Variants in LITAF observed in about 807,000 individuals in gnomAD.
The protein encoded by LITAF is lipopolysaccharide-induced tumor necrosis factor-alpha factor.
Under a neutral mutation model 14.5 loss-of-function variants are expected in LITAF, and 9 were observed. The ratio of observed to expected loss-of-function variants is 0.62; its 90% CI spans 0.37 to 1.08. The LOEUF is 1.08. Ranked by LOEUF, LITAF falls within the 50% of genes least tolerant of loss-of-function variation. LITAF has a pLI of 0.01. For synonymous variants in LITAF, 98 were observed against 88.2 expected (o/e 1.11, Z -0.62); for missense variants, 206 against 213.4 (o/e 0.97, Z 0.22).
In LITAF at chr16:11,578,979, G is replaced by A. The variant is rs546047084; in HGVS notation, c.-6+7907C>T. 8.5e-5 allele frequency among the ~76,000 whole-genome samples: 13 copies of A among 152,096 alleles called. No homozygotes were observed. In the East Asian group the frequency reaches 1.6e-3, roughly 18 times the overall value. On this transcript the variant is annotated intron_variant, in intron 1 of 3. Coordinates refer to ENST00000622633, the MANE Select transcript of LITAF (RefSeq NM_001136472.2). ...CGAGGCGGGTGGGTCACCTGAGGTC[G>A]GGAGTTCGAGACCAGCCTGGCCAAC...
At chr16:11,627,786 G>C (rs1373313114) in intron 3 of LITAF, among the ~76,000 whole-genome samples, 1 of 152,182 alleles carries the variant, frequency 6.6e-6, no homozygotes, top group East Asian at 1.9e-4. Flanking sequence ...AGAGGTTGCA[G>C]TGAGCCGAGA....
chr16:11,553,471 C>T lies in LITAF; in HGVS notation c.377+62G>A, dbSNP rs533591033. On this transcript the variant is annotated intron_variant, in intron 3 of 3. Coordinates refer to ENST00000622633, the MANE Select transcript of LITAF (RefSeq NM_001136472.2). The surrounding 1 kb of genome is among the most constrained non-coding windows in gnomAD (Gnocchi z 7.7). ...CAAGCATGGTGCAGTTGAGAACCCACCCCCGCCAGCACCCAGAGAGAAGGG... is the reference window on the plus strand; with the variant it reads ...CAAGCATGGTGCAGTTGAGAACCCATCCCCGCCAGCACCCAGAGAGAAGGG... 15 of 1,578,528 alleles carry T rather than the reference C, an allele frequency of 9.5e-6. No homozygotes were observed. In the African/African-American group the frequency reaches 1.7e-4, roughly 18 times the overall value.
intron 3 of LITAF, among the ~76,000 whole-genome samples, chr16:11,628,247 G>A (rs898787388): frequency 8.5e-5 from 13 of 152,124 alleles, no homozygotes; most frequent in Admixed American, 7.2e-4. Context: ...TGAGGTTGGT[G>A]TGGCCCCAGA....
At position 11,553,079 on chromosome 16, in the gene LITAF, C is replaced by T. The variant is rs2064205998; in HGVS notation, c.377+454G>A. Among the ~76,000 whole-genome samples, 2 of 151,974 alleles carry T rather than the reference C, an allele frequency of 1.3e-5. No homozygotes were observed. The highest frequency in any genetic ancestry group is 1.3e-4 in the Admixed American group (2 of 15,246). ...GCAGTGAGCCGGGATCGTGCTACTG[C>T]ACTCCAGCCTGGGCAACAGAGTGAG... is the stretch of plus-strand genomic sequence containing the variant. On this transcript the variant is annotated intron_variant, in intron 3 of 3. Coordinates refer to ENST00000622633, the MANE Select transcript of LITAF (RefSeq NM_001136472.2). The surrounding 1 kb of genome is among the most constrained non-coding windows in gnomAD (Gnocchi z 7.7).
chr16:11,557,372 G>A (rs1237092183), intron 1 of LITAF, among the ~76,000 whole-genome samples: 1 of 152,196 alleles, frequency 6.6e-6, no homozygotes, highest in African/African-American at 2.4e-5. Flanking sequence ...GCTGGTTACA[G>A]AGGTATGTTC....
At chr16:11,580,504 C>G (rs1265332256) in intron 1 of LITAF, among the ~76,000 whole-genome samples, 1 of 152,168 alleles carries the variant, frequency 6.6e-6, no homozygotes, top group African/African-American at 2.4e-5. Context: ...GATCCACCCA[C>G]CTTGGCCTCC....
chr16:11,565,446 C>CG (rs1200500800), intron 1 of LITAF, among the ~76,000 whole-genome samples: 4 of 2,176 alleles, frequency 1.8e-3, no homozygotes, highest in Non-Finnish European at 4.6e-3. Flanking sequence ...AAGCGGGGGG[C>CG]GGGGGGGTGG....
chr16:11,613,715 G>A (rs4781128), intron 3 of LITAF, among the ~76,000 whole-genome samples: 54,999 of 152,118 alleles, frequency 0.36, 12,146 homozygotes, highest in Middle Eastern at 0.5. Flanking sequence ...ACAGCCGGAC[G>A]GAGGGTGTGG....
At chr16:11,629,945 C>T (rs929044181) in intron 3 of LITAF, among the ~76,000 whole-genome samples, 5 of 152,256 alleles carry the variant, frequency 3.3e-5, no homozygotes, top group Admixed American at 2.6e-4. Context: ...CTGGCTGCTA[C>T]GGTGGGAGAT....
chr16:11,635,560 C>T (rs572972991), intron 2 of LITAF, among the ~76,000 whole-genome samples: 53 of 152,314 alleles, frequency 3.5e-4, no homozygotes, highest in African/African-American at 1.3e-3. Flanking sequence ...AGTTTCTGTC[C>T]GCCTGACTGC....
At chr16:11,631,210 A>T (rs2065116376) in intron 3 of LITAF, among the ~76,000 whole-genome samples, 1 of 152,194 alleles carries the variant, frequency 6.6e-6, no homozygotes, top group African/African-American at 2.4e-5. Context: ...CAATTATCAC[A>T]TCACCACAAA....
intron 3 of LITAF, among the ~76,000 whole-genome samples, chr16:11,631,255 C>T (rs1237010433): frequency 6.6e-6 from 1 of 152,188 alleles, no homozygotes; most frequent in Non-Finnish European, 1.5e-5. Context: ...ATTCTCTGTT[C>T]TAGAGTCTAA....
At chr16:11,621,430 C>G (rs1046452836) in intron 3 of LITAF, among the ~76,000 whole-genome samples, 1 of 152,204 alleles carries the variant, frequency 6.6e-6, no homozygotes, top group Non-Finnish European at 1.5e-5. Context: ...GTCTTTAACT[C>G]CTGGGTTCTA....
chr16:11,616,066 A>AC (rs2065017857), intron 3 of LITAF, among the ~76,000 whole-genome samples: 1 of 152,146 alleles, frequency 6.6e-6, no homozygotes, highest in Non-Finnish European at 1.5e-5. Flanking sequence ...AAATACATCC[A>AC]CTACCTGGGA....
intron 3 of LITAF, among the ~76,000 whole-genome samples, chr16:11,626,354 A>AT (rs888440922): frequency 3.7e-4 from 55 of 147,720 alleles, no homozygotes; most frequent in Non-Finnish European, 5.7e-4. Flanking sequence ...AATTTTTGTA[A>AT]TTTTTTTTTA....
chr16:11,572,176 C>T (rs1376841696), intron 1 of LITAF, among the ~76,000 whole-genome samples: 1 of 152,112 alleles, frequency 6.6e-6, no homozygotes, highest in Non-Finnish European at 1.5e-5. Flanking sequence ...TCAGCCCCTC[C>T]AGTGACCTGC....
At chr16:11,619,383 G>A (rs2065036746) in intron 3 of LITAF, among the ~76,000 whole-genome samples, 1 of 152,082 alleles carries the variant, frequency 6.6e-6, no homozygotes, top group Admixed American at 6.5e-5. Context: ...GGCATGATGA[G>A]GCAAAGACCA....
At chr16:11,595,978 G>A (rs1228372507) in intron 1 of LITAF, among the ~76,000 whole-genome samples, 2 of 152,080 alleles carry the variant, frequency 1.3e-5, no homozygotes, top group East Asian at 1.9e-4. Flanking sequence ...CGTGAGATCT[G>A]CCTCTGGCCA....
chr16:11,613,661 GA>G (rs1178989479), intron 3 of LITAF, among the ~76,000 whole-genome samples: 4 of 152,228 alleles, frequency 2.6e-5, no homozygotes, highest in East Asian at 3.9e-4. Context: ...GGCTAAGCCA[GA>G]GTTAGGTGGG....
Sources: gnomAD v4.1 joint callset for allele counts (sites outside exome capture counted in the v4.1 genomes callset) on GRCh38, gnomAD v4.1.1 for gene constraint, Gnocchi (gnomAD v3.1) non-coding constraint, MANE v1.5 for transcripts, NCBI Gene and HGNC (gene_info 2026-07-23, HGNC 2026-07-21) for gene names.